BMPR1A: variants seen among roughly 807,000 people sequenced by gnomAD.
BMPR1A encodes bone morphogenetic protein receptor type 1A.
BMPR1A carries 7 observed loss-of-function variants against 66.0 expected under a neutral mutation model. The ratio of observed to expected loss-of-function variants is 0.11; its 90% CI spans 0.06 to 0.20. The LOEUF (loss-of-function observed/expected upper bound fraction) is 0.20. Among genes scored for constraint, BMPR1A ranks in the 10% least tolerant of loss-of-function variants. The pLI, the probability that BMPR1A is intolerant of heterozygous loss-of-function variation, is 1.00. For synonymous variants in BMPR1A, 200 were observed against 229.7 expected, an observed-to-expected ratio of 0.87 and a Z score of 1.17; for missense variants, 408 against 669.1, an observed-to-expected ratio of 0.61 and a Z score of 4.31.
At chr10:86,787,547 T>A (rs1336449589) in intron 1 of BMPR1A, among the ~76,000 whole-genome samples, 2 of 152,356 alleles carry the variant, frequency 1.3e-5, no homozygotes, top group East Asian at 3.9e-4. Flanking sequence ...ACCCTAAGGC[T>A]ATAATGCTCA....
intron 1 of BMPR1A, among the ~76,000 whole-genome samples, chr10:86,788,495 T>A (rs1841550340): frequency 6.6e-6 from 1 of 152,220 alleles, no homozygotes; most frequent in African/African-American, 2.4e-5. Context: ...AACAGACTCC[T>A]AGAGGTGCAC....
At chr10:86,834,110 C>G (rs1455584564) in intron 1 of BMPR1A, among the ~76,000 whole-genome samples, 1 of 152,150 alleles carries the variant, frequency 6.6e-6, no homozygotes, top group African/African-American at 2.4e-5. Context: ...TAAAAGCTCC[C>G]TAGCAAACTT....
chr10:86,907,252 A>C (rs948330719), intron 7 of BMPR1A, among the ~76,000 whole-genome samples: 1 of 152,242 alleles, frequency 6.6e-6, no homozygotes, highest in Non-Finnish European at 1.5e-5. Flanking sequence ...GATGTTGTAC[A>C]TCATGTTAAG....
chr10:86,913,882 A>G (rs1253250949), intron 8 of BMPR1A, among the ~76,000 whole-genome samples: 1 of 152,226 alleles, frequency 6.6e-6, no homozygotes, highest in Admixed American at 6.5e-5. Flanking sequence ...AAATCAGAGC[A>G]AACTTTTATA....
chr10:86,798,232 C>T (rs200042773), intron 1 of BMPR1A, among the ~76,000 whole-genome samples: 1 of 151,848 alleles, frequency 6.6e-6, no homozygotes, highest in East Asian at 1.9e-4. Flanking sequence ...AGCTTACTAC[C>T]GTATGACATT....
chr10:86,805,741 A>G (rs1177176793), intron 1 of BMPR1A, among the ~76,000 whole-genome samples: 1 of 152,112 alleles, frequency 6.6e-6, no homozygotes, highest in African/African-American at 2.4e-5. Context: ...GATTACAGGT[A>G]TGAGCTACTG....
intron 7 of BMPR1A, among the ~76,000 whole-genome samples, chr10:86,902,493 T>G (rs1843327535): frequency 6.6e-6 from 1 of 152,242 alleles, no homozygotes; most frequent in Admixed American, 6.5e-5. Context: ...GTGTGTGCTC[T>G]CTAAGCAATG....
chr10:86,890,579 A>G (rs1843134041), intron 4 of BMPR1A, among the ~76,000 whole-genome samples: 1 of 151,624 alleles, frequency 6.6e-6, no homozygotes, highest in African/African-American at 2.4e-5. Flanking sequence ...ACAACCTCCT[A>G]CTTCTTTTTA....
chr10:86,781,134 G>A (rs572400293), intron 1 of BMPR1A, among the ~76,000 whole-genome samples: 9 of 152,294 alleles, frequency 5.9e-5, no homozygotes, highest in East Asian at 5.8e-4. Context: ...GATTACAGGC[G>A]TGAGACACCA....
intron 2 of BMPR1A, among the ~76,000 whole-genome samples, chr10:86,850,780 C>T (rs902967393): frequency 1.3e-5 from 2 of 152,088 alleles, no homozygotes; most frequent in Non-Finnish European, 2.9e-5. Context: ...GGATTACAGG[C>T]ATGAGCCACC....
intron 7 of BMPR1A, among the ~76,000 whole-genome samples, chr10:86,910,937 C>T (rs1369759059): frequency 6.6e-6 from 1 of 151,938 alleles, no homozygotes; most frequent in Non-Finnish European, 1.5e-5. Context: ...AAATCAACTT[C>T]CTATCCCAGG....
intron 2 of BMPR1A, among the ~76,000 whole-genome samples, chr10:86,875,143 C>G (rs1269134006): frequency 2.0e-5 from 3 of 151,840 alleles, no homozygotes; most frequent in African/African-American, 7.3e-5. Context: ...GAGGCTGAGG[C>G]TGGCGGATCA....
intron 1 of BMPR1A, among the ~76,000 whole-genome samples, chr10:86,804,792 G>GTTTTTTTTTTTTTTTTTTTTTTT (rs5786747): frequency 4.2e-4 from 24 of 57,270 alleles, no homozygotes; most frequent in African/African-American, 8.2e-4. Flanking sequence ...GTTTGTAGGT[G>GTTTTTTTTTTTTTTTTTTTTTTT]TTTTTTTTTT....
intron 2 of BMPR1A, among the ~76,000 whole-genome samples, chr10:86,847,311 A>T (rs1450195489): frequency 6.6e-6 from 1 of 151,684 alleles, no homozygotes; most frequent in Non-Finnish European, 1.5e-5. Context: ...TTCCAGCCTA[A>T]TAATTTCTCT....
chr10:86,821,743 G>C (rs1464398742), intron 1 of BMPR1A, among the ~76,000 whole-genome samples: 1 of 152,102 alleles, frequency 6.6e-6, no homozygotes, highest in Non-Finnish European at 1.5e-5. Context: ...GGGGATCACT[G>C]TGACATCATC....
At chr10:86,888,824 C>T (rs926433019) in intron 3 of BMPR1A, among the ~76,000 whole-genome samples, 1 of 105,722 alleles carries the variant, frequency 9.5e-6, no homozygotes, top group Non-Finnish European at 1.6e-5. Flanking sequence ...GAGACCATGT[C>T]TCAAAAAAAA....
rs34496927 is a variant in BMPR1A, at chr10:86,778,927, CTTTTTTT to C, written c.-268+22021_-268+22027del. Reference sequence around the variant, plus strand: ...TGAGTGGATTTTATTTATGTATTTTCTTTTTTTTTTTTTTTTTTTAAGTAGAGATGGG... The same window carrying C: ...TGAGTGGATTTTATTTATGTATTTTCTTTTTTTTTTTTAAGTAGAGATGGG... On this transcript the variant is annotated intron_variant, in intron 1 of 12. Coordinates refer to ENST00000372037, the MANE Select transcript of BMPR1A (RefSeq NM_004329.3). Among the ~76,000 whole-genome samples the C allele has an allele frequency of 4.2e-5, 5 of 118,480 alleles. No individual in the cohort carries two copies. In the East Asian group the frequency reaches 7.5e-4, roughly 18 times the overall value. 77.7% of individuals were successfully genotyped at this position (118,480 alleles called of 152,430 possible).
chr10:86,839,628 A>G (rs968877984), intron 2 of BMPR1A, among the ~76,000 whole-genome samples: 2 of 151,654 alleles, frequency 1.3e-5, no homozygotes, highest in Non-Finnish European at 2.9e-5. Context: ...ATATTGAAAA[A>G]TGAATGTTTA....
At chr10:86,862,321 T>C (rs1056718070) in intron 2 of BMPR1A, among the ~76,000 whole-genome samples, 1 of 152,092 alleles carries the variant, frequency 6.6e-6, no homozygotes, top group South Asian at 2.1e-4. Context: ...GGAAGACCAT[T>C]ACAGGCATAG....
Sources: allele counts gnomAD v4.1 joint callset (sites outside exome capture counted in the v4.1 genomes callset), GRCh38; gene constraint gnomAD v4.1.1; transcripts MANE v1.5; gene names NCBI Gene and HGNC (gene_info 2026-07-23, HGNC 2026-07-21).